Variants in CNBD1 observed in about 807,000 individuals in gnomAD.
The protein encoded by CNBD1 is cyclic nucleotide binding domain containing 1.
A neutral mutation model predicts 54.4 loss-of-function variants in CNBD1; 71 were observed. The observed-to-expected ratio is 1.30, with a 90% CI of 1.08 to 1.59. The LOEUF (loss-of-function observed/expected upper bound fraction) is 1.59, where lower values mean the gene tolerates loss of function less well. Ranked by LOEUF, CNBD1 falls within the 40% of genes most tolerant of loss-of-function variation. The pLI is 0.00. For missense variants in CNBD1, 659 were observed against 518.0 expected (o/e 1.27, Z -2.64); for synonymous variants, 182 against 170.7 (o/e 1.07, Z -0.51).
At chr8:86,964,934 T>C (rs1264989046) in intron 4 of CNBD1, among the ~76,000 whole-genome samples, 1 of 152,180 alleles carries the variant, frequency 6.6e-6, no homozygotes, top group Non-Finnish European at 1.5e-5. Flanking sequence ...CGTTGGACTA[T>C]TTGCCCTCGT....
chr8:87,365,495 T>C, intron 10 of CNBD1, among the ~76,000 whole-genome samples: 1 of 152,056 alleles, frequency 6.6e-6, no homozygotes, highest in Non-Finnish European at 1.5e-5. Context: ...AATATCATGT[T>C]TTCATTTTCA....
intron 4 of CNBD1, among the ~76,000 whole-genome samples, chr8:87,093,033 C>G (rs892232796): frequency 1.3e-5 from 2 of 152,180 alleles, no homozygotes. Flanking sequence ...CTGATTGTAT[C>G]AGGGACTAAG....
chr8:86,928,599 G>C (rs1471178624), intron 3 of CNBD1, among the ~76,000 whole-genome samples: 1 of 152,148 alleles, frequency 6.6e-6, no homozygotes, highest in Non-Finnish European at 1.5e-5. Flanking sequence ...CTGTTTGCAG[G>C]CTTCTATCCA....
chr8:86,910,995 G>A (rs1360410494), intron 3 of CNBD1, among the ~76,000 whole-genome samples: 1 of 152,160 alleles, frequency 6.6e-6, no homozygotes, highest in Non-Finnish European at 1.5e-5. Context: ...AGGATTAGTT[G>A]TGCTGTTTGC....
chr8:87,243,563 G>A (rs1241109675), intron 6 of CNBD1, among the ~76,000 whole-genome samples: 2 of 151,986 alleles, frequency 1.3e-5, no homozygotes, highest in South Asian at 2.1e-4. Context: ...TTCATTCCTG[G>A]TATGGTCTTA....
intron 4 of CNBD1, among the ~76,000 whole-genome samples, chr8:87,040,481 T>C (rs574083991): frequency 5.0e-4 from 74 of 149,254 alleles, no homozygotes; most frequent in African/African-American, 1.6e-3. Context: ...TGGAGTGCAG[T>C]GGTGCGATCT....
At chr8:86,935,793 C>A (rs1468844573) in intron 3 of CNBD1, among the ~76,000 whole-genome samples, 2 of 151,728 alleles carry the variant, frequency 1.3e-5, no homozygotes, top group Non-Finnish European at 2.9e-5. Context: ...CTTTCTTTTT[C>A]TCATTTTTTG....
chr8:86,938,230 C>CT (rs1183368194), intron 3 of CNBD1, among the ~76,000 whole-genome samples: 2 of 152,166 alleles, frequency 1.3e-5, no homozygotes, highest in African/African-American at 4.8e-5. Context: ...TCAGCCTAGA[C>CT]TTTTTTGCCC....
At chr8:87,223,162 C>A (rs1049107605) in intron 5 of CNBD1, among the ~76,000 whole-genome samples, 3 of 149,890 alleles carry the variant, frequency 2.0e-5, no homozygotes, top group African/African-American at 7.3e-5. Context: ...GTTTGCCATA[C>A]GTATTTAATC....
At chr8:87,177,943 AAAG>A (rs893111400) in intron 4 of CNBD1, among the ~76,000 whole-genome samples, 7 of 152,190 alleles carry the variant, frequency 4.6e-5, no homozygotes, top group Non-Finnish European at 8.8e-5. Flanking sequence ...AAAGGTACAT[AAAG>A]AAGATATATA....
At chr8:87,091,087 G>T (rs12541397) in intron 4 of CNBD1, among the ~76,000 whole-genome samples, 6 of 148,620 alleles carry the variant, frequency 4.0e-5, no homozygotes, top group Non-Finnish European at 7.4e-5. Flanking sequence ...TTGCAGTGAG[G>T]TGAGGTAGTG....
chr8:87,086,490 AAAAG>A (rs1811098877), intron 4 of CNBD1, among the ~76,000 whole-genome samples: 1 of 152,204 alleles, frequency 6.6e-6, no homozygotes, highest in African/African-American at 2.4e-5. Context: ...GAGAAGTAGA[AAAAG>A]AAAGTATATT....
At chr8:86,994,893 A>G (rs1235027390) in intron 4 of CNBD1, among the ~76,000 whole-genome samples, 1 of 152,126 alleles carries the variant, frequency 6.6e-6, no homozygotes, top group Admixed American at 6.6e-5. Flanking sequence ...ATAAAGAATA[A>G]TAATAGGAGT....
intron 10 of CNBD1, among the ~76,000 whole-genome samples, chr8:87,378,492 C>T (rs1289601412): frequency 1.3e-4 from 19 of 151,004 alleles, no homozygotes; most frequent in East Asian, 5.8e-4. Flanking sequence ...CTGAGGGCTC[C>T]ATTCTGTTCC....
intron 10 of CNBD1, among the ~76,000 whole-genome samples, chr8:87,354,542 G>T (rs1273247316): frequency 6.6e-6 from 1 of 151,890 alleles, no homozygotes; most frequent in Non-Finnish European, 1.5e-5. Flanking sequence ...ATCTCCTATT[G>T]CTATCCCTCC....
chr8:87,156,672 A>G (rs1233398877), intron 4 of CNBD1, among the ~76,000 whole-genome samples: 2 of 152,086 alleles, frequency 1.3e-5, no homozygotes, highest in African/African-American at 4.8e-5. Context: ...TTGCTATGCA[A>G]TGCTCTTTGA....
intron 4 of CNBD1, among the ~76,000 whole-genome samples, chr8:87,035,772 G>A (rs1470624330): frequency 2.0e-5 from 3 of 152,108 alleles, no homozygotes; most frequent in Non-Finnish European, 2.9e-5. Flanking sequence ...TCCAGGCAAT[G>A]TATGGCAGCC....
intron 4 of CNBD1, among the ~76,000 whole-genome samples, chr8:86,970,823 T>C (rs943699408): frequency 6.6e-6 from 1 of 152,204 alleles, no homozygotes; most frequent in Non-Finnish European, 1.5e-5. Flanking sequence ...TTTCATTGTT[T>C]ACACATACCA....
intron 6 of CNBD1, among the ~76,000 whole-genome samples, chr8:87,277,258 A>T (rs1808501927): frequency 6.6e-6 from 1 of 151,754 alleles, no homozygotes; most frequent in Non-Finnish European, 1.5e-5. Context: ...GCTGTCAAGG[A>T]GGATAATTCT....
Sources: allele counts gnomAD v4.1 joint callset (sites outside exome capture counted in the v4.1 genomes callset), GRCh38; gene constraint gnomAD v4.1.1; transcripts MANE v1.5; gene names NCBI Gene and HGNC (gene_info 2026-07-23, HGNC 2026-07-21).